DNAH11: variants seen among roughly 807,000 people sequenced by gnomAD.
DNAH11 encodes axonemal beta dynein heavy chain 11.
A neutral mutation model predicts 526.0 loss-of-function variants in DNAH11; 442 were observed. That is an observed-to-expected ratio of 0.84 (90% CI 0.78 to 0.91). The LOEUF is 0.91. Among genes scored for constraint, DNAH11 ranks in the 40% least tolerant of loss-of-function variants. The pLI, the probability that DNAH11 is intolerant of heterozygous loss-of-function variation, is 0.00. For missense variants in DNAH11, 6,989 were observed against 5,448.7 expected, an observed-to-expected ratio of 1.28 and a Z score of -8.90; for synonymous variants, 2,461 against 1,935.9, an observed-to-expected ratio of 1.27 and a Z score of -7.12.
At chr7:21,570,606 T>G (rs1204800300) in intron 7 of DNAH11, 1 of 216,246 alleles carries the variant, frequency 4.6e-6, no homozygotes, top group Non-Finnish European at 9.1e-6. Context: ...CAGGAAGCAG[T>G]AAGCTCATCC....
At chr7:21,584,652 C>A (rs1005834760) in intron 9 of DNAH11, among the ~76,000 whole-genome samples, 2 of 152,096 alleles carry the variant, frequency 1.3e-5, no homozygotes, top group African/African-American at 4.8e-5. Context: ...CAGCCATCAG[C>A]CGAAATGTAC....
At chr7:21,767,951 G>C (rs1482356863) in intron 55 of DNAH11, among the ~76,000 whole-genome samples, 1 of 152,100 alleles carries the variant, frequency 6.6e-6, no homozygotes, top group Non-Finnish European at 1.5e-5. Context: ...AGAGAAAGGA[G>C]TCGTTAAAGG....
intron 2 of DNAH11, among the ~76,000 whole-genome samples, chr7:21,557,846 C>G (rs1037944225): frequency 2.0e-5 from 3 of 152,114 alleles, no homozygotes; most frequent in Non-Finnish European, 4.4e-5. Flanking sequence ...TGTCATAGTT[C>G]CAGGATCTCA....
intron 34 of DNAH11, among the ~76,000 whole-genome samples, chr7:21,689,817 C>G (rs1223225918): frequency 6.6e-6 from 1 of 152,234 alleles, no homozygotes; most frequent in Non-Finnish European, 1.5e-5. Context: ...CAGCCCTCCC[C>G]TCTCAGCAAT....
chr7:21,709,122 C>A (rs1226523906), intron 40 of DNAH11, among the ~76,000 whole-genome samples: 4 of 152,208 alleles, frequency 2.6e-5, no homozygotes, highest in African/African-American at 9.7e-5. Flanking sequence ...AAGACACATT[C>A]ACTCATATGT....
At chr7:21,732,298 T>C (rs1009346016) in intron 45 of DNAH11, among the ~76,000 whole-genome samples, 4 of 152,184 alleles carry the variant, frequency 2.6e-5, no homozygotes, top group East Asian at 3.8e-4. Flanking sequence ...ATCCCTGATA[T>C]CTCCCTGTGG....
chr7:21,786,149 A>G (rs1443167178), intron 58 of DNAH11, among the ~76,000 whole-genome samples: 1 of 152,196 alleles, frequency 6.6e-6, no homozygotes, highest in East Asian at 1.9e-4. Flanking sequence ...CCTGTAGTGT[A>G]ATGGAAGATA....
At chr7:21,785,135 A>T (rs1008144119) in intron 58 of DNAH11, among the ~76,000 whole-genome samples, 46 of 152,098 alleles carry the variant, frequency 3.0e-4, no homozygotes, top group African/African-American at 1.0e-3. Context: ...AGCTAATCTC[A>T]TCCTGGGGTC....
At chr7:21,809,023 C>G (rs1054547273) in intron 63 of DNAH11, among the ~76,000 whole-genome samples, 2 of 152,186 alleles carry the variant, frequency 1.3e-5, no homozygotes, top group African/African-American at 2.4e-5. Flanking sequence ...TCCCTTTTCT[C>G]TACATCCTCA....
At chr7:21,745,373 T>A (rs1275372868) in intron 51 of DNAH11, among the ~76,000 whole-genome samples, 1 of 152,246 alleles carries the variant, frequency 6.6e-6, no homozygotes, top group African/African-American at 2.4e-5. Context: ...TTTCATTGAT[T>A]AAGCAGGTTT....
chr7:21,800,763 C>T (rs562733903), intron 61 of DNAH11, among the ~76,000 whole-genome samples: 2 of 152,328 alleles, frequency 1.3e-5, no homozygotes, highest in South Asian at 4.1e-4. Context: ...AAACAAGTCA[C>T]TGTTGTCTTT....
chr7:21,734,045 A>T (rs1785501493), intron 45 of DNAH11, among the ~76,000 whole-genome samples: 1 of 152,188 alleles, frequency 6.6e-6, no homozygotes. Flanking sequence ...CAGGATTCAC[A>T]CCCAGGCAGC....
chr7:21,650,340 T>C (rs10246389), intron 28 of DNAH11, among the ~76,000 whole-genome samples: 5,320 of 152,230 alleles, frequency 0.035, 288 homozygotes, highest in African/African-American at 0.12. Context: ...TTGACAAATA[T>C]AGAAATACAT....
Position 21,543,156 on chromosome 7 carries a change from C to G in DNAH11, c.-90C>G. On this transcript the variant is annotated 5_prime_UTR_variant, in exon 1 of 82. Transcript: ENST00000409508. ...CGCGGCGACCGCGGAGGAGGGTGGGCGCCTGCGGAGGTGTCCTCGCTCACT... is the reference window on the plus strand; with the variant it reads ...CGCGGCGACCGCGGAGGAGGGTGGGGGCCTGCGGAGGTGTCCTCGCTCACT... 1.4e-6 allele frequency: 2 copies of G among 1,437,914 alleles called. No individual in the cohort carries two copies. The highest frequency in any genetic ancestry group is 1.8e-6 in the Non-Finnish European group (2 of 1,103,024). 89.1% of individuals were successfully genotyped at this position (1,437,914 alleles called of 1,614,324 possible).
rs1163948909 is a variant in DNAH11 at position 21,616,277 on chromosome 7, C to G, written c.4080C>G (p.Leu1360=). The G allele has an allele frequency of 7.4e-6, 12 of 1,611,770 alleles. No individual in the cohort carries two copies. The highest frequency in any genetic ancestry group is 2.2e-5 in the East Asian group (1 of 44,830). Residue 1360 remains leucine (L), a synonymous_variant, in exon 22 of 82, where the codon CTC becomes CTG. Transcript: ENST00000409508. The part of the protein sequence containing the change: ...QIHVEQMDVE[L]RRFAKEIWSL... ...ATGTGGAACAGATGGATGTAGAACTCAGAAGGTTTGCCAAGGCGAGTTCCA... is the reference window on the plus strand; with the variant it reads ...ATGTGGAACAGATGGATGTAGAACTGAGAAGGTTTGCCAAGGCGAGTTCCA...
intron 36 of DNAH11, among the ~76,000 whole-genome samples, chr7:21,698,778 C>T (rs1397728181): frequency 6.6e-6 from 1 of 152,152 alleles, no homozygotes; most frequent in African/African-American, 2.4e-5. Context: ...TATAAATAGG[C>T]ATGTTCAAGT....
Position 21,567,376 on chromosome 7 carries a change from A to G in DNAH11, c.1195-2693A>G, listed in dbSNP as rs146555469. On this transcript the variant is annotated intron_variant, in intron 6 of 81. Transcript: ENST00000409508. ...TTTTGTGAAAATTCAAGCCCTTCCTATGTTACATATTAGAGGTCATAAGCT... is the reference window on the plus strand; with the variant it reads ...TTTTGTGAAAATTCAAGCCCTTCCTGTGTTACATATTAGAGGTCATAAGCT... 2.3e-3 allele frequency among the ~76,000 whole-genome samples: 354 copies of G among 152,258 alleles called. 5 individuals are homozygous for G. Among genetic ancestry groups the G allele is most frequent in the Non-Finnish European group, 8.1e-4 (55 of 68,016 alleles).
chr7:21,664,122 C>T (rs1019771287), intron 30 of DNAH11, among the ~76,000 whole-genome samples: 3 of 137,458 alleles, frequency 2.2e-5, no homozygotes, highest in Admixed American at 1.6e-4. Context: ...TATTATATCT[C>T]AATTTCCCAA....
chr7:21,843,775 G>A (rs982307757), intron 66 of DNAH11, among the ~76,000 whole-genome samples: 19 of 152,024 alleles, frequency 1.2e-4, no homozygotes, highest in African/African-American at 3.9e-4. Context: ...CACCACGCCC[G>A]GCCATGCTGT....
Sources: allele counts gnomAD v4.1 joint callset (sites outside exome capture counted in the v4.1 genomes callset), GRCh38; gene constraint gnomAD v4.1.1; transcripts MANE v1.5; gene names NCBI Gene and HGNC (gene_info 2026-07-23, HGNC 2026-07-21).